UGT1A9: variants seen among roughly 807,000 people sequenced by gnomAD.
The protein encoded by UGT1A9 is UDP-glucuronosyltransferase 1A9.
In UGT1A9, 35 loss-of-function variants were observed where a neutral mutation model predicts 45.0. That is an observed-to-expected ratio of 0.78 (90% CI 0.59 to 1.03). UGT1A9 has a LOEUF of 1.03. Ranked by LOEUF, UGT1A9 falls within the 50% of genes least tolerant of loss-of-function variation. The pLI is 0.00. For missense variants in UGT1A9, 687 were observed against 666.6 expected, an observed-to-expected ratio of 1.03 and a Z score of -0.34; for synonymous variants, 278 against 250.6, an observed-to-expected ratio of 1.11 and a Z score of -1.03.
chr2:233,673,550 G>A (rs1458220896), intron 1 of UGT1A9, among the ~76,000 whole-genome samples: 1 of 151,978 alleles, frequency 6.6e-6, no homozygotes, highest in Non-Finnish European at 1.5e-5. Context: ...AGAAGGATTG[G>A]CATTTTTTTG....
At position 233,747,294 on chromosome 2, in the gene UGT1A9, G is replaced by T. The variant is rs1361092863; in HGVS notation, c.856-19740G>T. 2.5e-6 allele frequency: 4 copies of T among 1,601,728 alleles called. No homozygotes were observed. In the Admixed American group the frequency reaches 6.7e-5, roughly 27 times the overall value. ...TTCTCAGTGCCCAGCCCTGGGCTGA[G>T]AGTGGGAAGGTGCTGGTGGTACCCA... On this transcript the variant is annotated intron_variant, in intron 1 of 4. Transcript: ENST00000354728.
At chr2:233,766,358 C>G (rs1222221070) in intron 1 of UGT1A9, among the ~76,000 whole-genome samples, 1 of 152,148 alleles carries the variant, frequency 6.6e-6, no homozygotes, top group Non-Finnish European at 1.5e-5. Context: ...CTGCCGGTGC[C>G]TGTTGGTGAG....
At chr2:233,713,443 C>G (rs1477253039) in intron 1 of UGT1A9, 1 of 1,614,054 alleles carries the variant, frequency 6.2e-7, no homozygotes, top group African/African-American at 1.3e-5. Context: ...GTGGTTCTAA[C>G]AGACCCCTTT....
rs750178604 is a variant in UGT1A9 at position 233,693,312 on chromosome 2, C to A, written c.855+20523C>A. The A allele has an allele frequency of 2.6e-5, 42 of 1,614,058 alleles. No homozygotes were observed. In the East Asian group the frequency reaches 8.7e-4, roughly 33 times the overall value. On this transcript the variant is annotated intron_variant, in intron 1 of 4. Transcript: ENST00000354728. The stretch of plus-strand genomic sequence containing the variant: ...GGAAACAATCACTTTGCTGAGCGAT[C>A]ATTCCTAACTGCTCCTCAGACAGAG...
At chr2:233,679,321 C>T (rs924333147) in intron 1 of UGT1A9, among the ~76,000 whole-genome samples, 1 of 152,212 alleles carries the variant, frequency 6.6e-6, no homozygotes, top group Non-Finnish European at 1.5e-5. Flanking sequence ...ATCCAGAAAA[C>T]GCGTTCTTAT....
intron 1 of UGT1A9, among the ~76,000 whole-genome samples, chr2:233,764,543 G>A (rs1413559282): frequency 2.6e-5 from 4 of 152,222 alleles, no homozygotes; most frequent in South Asian, 2.1e-4. Context: ...CTGAGTGGGC[G>A]TGTGGGAGGG....
chr2:233,706,094 TA>T (rs141668784), intron 1 of UGT1A9, among the ~76,000 whole-genome samples: 1 of 151,444 alleles, frequency 6.6e-6, no homozygotes, highest in Middle Eastern at 3.4e-3. Flanking sequence ...GATTCTGTCT[TA>T]AAAAAAAACC....
At chr2:233,748,817 G>A (rs1468052595) in intron 1 of UGT1A9, among the ~76,000 whole-genome samples, 2 of 151,366 alleles carry the variant, frequency 1.3e-5, no homozygotes, top group Non-Finnish European at 2.9e-5. Context: ...AATTGTGGAA[G>A]GGTCTAGGGA....
intron 1 of UGT1A9, chr2:233,747,659 T>C: frequency 1.9e-6 from 3 of 1,599,022 alleles, no homozygotes; most frequent in Non-Finnish European, 2.6e-6. Flanking sequence ...TCGATGTGGT[T>C]TTAATAGACC....
chr2:233,685,997 A>C (rs1480278906), intron 1 of UGT1A9, among the ~76,000 whole-genome samples: 1 of 152,210 alleles, frequency 6.6e-6, no homozygotes, highest in Non-Finnish European at 1.5e-5. Flanking sequence ...AATCCTGTAC[A>C]TCCTTTGCCT....
At chr2:233,710,108 C>T (rs991236608) in intron 1 of UGT1A9, among the ~76,000 whole-genome samples, 4 of 152,152 alleles carry the variant, frequency 2.6e-5, no homozygotes, top group Non-Finnish European at 4.4e-5. Flanking sequence ...ATATTTCATT[C>T]GTTTCTATTT....
intron 1 of UGT1A9, among the ~76,000 whole-genome samples, chr2:233,698,666 C>G (rs112614617): frequency 3.3e-5 from 5 of 152,142 alleles, no homozygotes; most frequent in Admixed American, 3.3e-4. Context: ...TAACTATTGG[C>G]CCAACTATAA....
chr2:233,688,222 A>G (rs1197444808), intron 1 of UGT1A9, among the ~76,000 whole-genome samples: 1 of 152,228 alleles, frequency 6.6e-6, no homozygotes, highest in East Asian at 1.9e-4. Context: ...TGGCTTATCC[A>G]TGTTGTAGCA....
At chr2:233,713,902 A>G in intron 1 of UGT1A9, 1 of 1,612,946 alleles carries the variant, frequency 6.2e-7, no homozygotes, top group South Asian at 1.1e-5. Flanking sequence ...CAGGCAAAAC[A>G]CTTTTTAAAA....
chr2:233,744,974 C>T (rs1446449011), intron 1 of UGT1A9, among the ~76,000 whole-genome samples: 1 of 151,828 alleles, frequency 6.6e-6, no homozygotes. Flanking sequence ...CTTCTTTAAG[C>T]CTCTAGTCAT....
chr2:233,715,540 GGGA>G, intron 1 of UGT1A9, among the ~76,000 whole-genome samples: 1 of 152,104 alleles, frequency 6.6e-6, no homozygotes. Flanking sequence ...GGGAGACCGA[GGGA>G]GGAGGATTGC....
intron 1 of UGT1A9, among the ~76,000 whole-genome samples, chr2:233,716,543 C>T (rs2076509710): frequency 6.6e-6 from 1 of 152,114 alleles, no homozygotes; most frequent in South Asian, 2.1e-4. Flanking sequence ...CCTTTCTCTC[C>T]TTATATTCCT....
At chr2:233,747,194 T>C in intron 1 of UGT1A9, 2 of 1,604,420 alleles carry the variant, frequency 1.2e-6, no homozygotes, top group Non-Finnish European at 1.7e-6. Context: ...GACAGTCAGC[T>C]GTCCGTGTCT....
intron 1 of UGT1A9, among the ~76,000 whole-genome samples, chr2:233,711,102 G>C (rs1389158237): frequency 6.6e-6 from 1 of 152,178 alleles, no homozygotes; most frequent in African/African-American, 2.4e-5. Context: ...GTGCAGCCCA[G>C]ACCCCTCCTC....
Sources: gnomAD v4.1 joint callset for allele counts (sites outside exome capture counted in the v4.1 genomes callset) on GRCh38, gnomAD v4.1.1 for gene constraint, MANE v1.5 for transcripts, NCBI Gene and HGNC (gene_info 2026-07-23, HGNC 2026-07-21) for gene names.